CFAP44: variants seen among roughly 807,000 people sequenced by gnomAD.
The protein encoded by CFAP44 is cilia and flagella associated protein 44.
CFAP44 carries 134 observed loss-of-function variants against 216.2 expected under a neutral mutation model. The observed-to-expected ratio is 0.62, with a 90% confidence interval of 0.54 to 0.72. The LOEUF is 0.72. Among genes scored for constraint, CFAP44 ranks in the 30% least tolerant of loss-of-function variants. CFAP44 has a pLI of 0.00. For missense variants in CFAP44, 2,035 were observed against 2,182.1 expected, an observed-to-expected ratio of 0.93 and a Z score of 1.34; for synonymous variants, 700 against 727.6, an observed-to-expected ratio of 0.96 and a Z score of 0.61.
At position 113,288,683 on chromosome 3, in the gene CFAP44, G is replaced by T. The variant is rs1405200086; in HGVS notation, c.*2874C>A. On this transcript the variant is annotated 3_prime_UTR_variant, in exon 35 of 35. Transcript: ENST00000393845. ...CTGGTGAACTTTTCTGAAGTGATAG[G>T]TGAAACATCTGCTTTCTGCACAGCA... is the stretch of plus-strand genomic sequence containing the variant. 6.6e-6 allele frequency: 1 copy of T among 152,218 alleles called. No homozygotes were observed. Among genetic ancestry groups the T allele is most frequent in the Non-Finnish European group, 1.5e-5 (1 of 68,050 alleles). 9.4% of individuals were successfully genotyped at this position (152,218 alleles called of 1,614,324 possible). A position where few individuals can be genotyped will look rare whatever the true frequency, so the allele number is the denominator to read the frequency against.
chr3:113,377,150 C>G (rs1257085457), intron 17 of CFAP44, among the ~76,000 whole-genome samples: 1 of 152,036 alleles, frequency 6.6e-6, no homozygotes, highest in African/African-American at 2.4e-5. Context: ...AGAGAAGGTA[C>G]AAAATGCTTG....
chr3:113,372,421 C>T (rs565155198), intron 18 of CFAP44, among the ~76,000 whole-genome samples: 12 of 152,300 alleles, frequency 7.9e-5, no homozygotes, highest in South Asian at 2.1e-4. Flanking sequence ...GAGTTCATGT[C>T]CTTTGCAGGG....
rs1448185281 is a variant in CFAP44 at position 113,287,063 on chromosome 3, T to C, written c.*4494A>G. The C allele has an allele frequency of 3.0e-6, 2 of 662,212 alleles. No individual in the cohort carries two copies. Among genetic ancestry groups the C allele is most frequent in the Non-Finnish European group, 2.6e-6 (1 of 382,358 alleles). 41.0% of individuals were successfully genotyped at this position (662,212 alleles called of 1,614,324 possible). A position where few individuals can be genotyped will look rare whatever the true frequency, so the allele number is the denominator to read the frequency against. Reference sequence around the variant, plus strand: ...ACCCGTTGAGGTTGGAGAGGGAAAATAAAGAAGCTGCCACCTAACAGGAGT... The same window carrying C: ...ACCCGTTGAGGTTGGAGAGGGAAAACAAAGAAGCTGCCACCTAACAGGAGT... On this transcript the variant is annotated 3_prime_UTR_variant, in exon 35 of 35. Transcript: ENST00000393845.
chr3:113,399,954 C>G lies in CFAP44; in HGVS notation c.1521G>C (p.Gln507His). ...YDFASKTPLAQMKFKQGGTAL... is the reference protein window; with the variant it reads ...YDFASKTPLAHMKFKQGGTAL... ...CAGTACCTCCTTGTTTGAATTTCAT[C>G]TGGGCCAAAGGAGTTTTGCTAGCAA... The change falls in exon 13 of 35, where the codon CAG (glutamine) becomes CAC (histidine). Residue 507 changes from glutamine (Q) to histidine (H), a missense_variant. By Grantham distance (24) the Gln-to-His change is conservative. Coordinates refer to ENST00000393845, the MANE Select transcript of CFAP44 (RefSeq NM_001164496.2). The G allele has an allele frequency of 1.2e-6, 2 of 1,603,338 alleles. No individual in the cohort carries two copies.
intron 18 of CFAP44, among the ~76,000 whole-genome samples, chr3:113,371,829 CT>C (rs1933176673): frequency 6.6e-6 from 1 of 152,150 alleles, no homozygotes; most frequent in African/African-American, 2.4e-5. Context: ...ATCTACCCAT[CT>C]GACAAAGGGC....
intron 15 of CFAP44, among the ~76,000 whole-genome samples, chr3:113,393,763 C>A (rs902293549): frequency 6.6e-6 from 1 of 152,196 alleles, no homozygotes. Context: ...GATCTACTTG[C>A]CTTGGCCTCC....
intron 1 of CFAP44, among the ~76,000 whole-genome samples, chr3:113,438,519 G>A (rs537041088): frequency 2.6e-5 from 4 of 152,204 alleles, no homozygotes; most frequent in African/African-American, 4.8e-5. Context: ...AAAGCTCTAA[G>A]AATGATACAT....
At chr3:113,362,654 C>A (rs936707197) in intron 21 of CFAP44, among the ~76,000 whole-genome samples, 2 of 152,164 alleles carry the variant, frequency 1.3e-5, no homozygotes, top group African/African-American at 4.8e-5. Context: ...CAGGGATGCA[C>A]ATAGGAATCA....
At chr3:113,297,634 T>G (rs1949895044) in intron 32 of CFAP44, among the ~76,000 whole-genome samples, 1 of 152,162 alleles carries the variant, frequency 6.6e-6, no homozygotes, top group Non-Finnish European at 1.5e-5. Flanking sequence ...GCACTCTTTT[T>G]CTCAATCCAT....
chr3:113,375,871 T>C (rs1326178954), intron 17 of CFAP44, among the ~76,000 whole-genome samples: 1 of 151,068 alleles, frequency 6.6e-6, no homozygotes, highest in Non-Finnish European at 1.5e-5. Context: ...AAAAGAATAG[T>C]AAAAGAATGT....
intron 28 of CFAP44, among the ~76,000 whole-genome samples, chr3:113,325,292 C>T (rs1278658319): frequency 7.3e-6 from 1 of 136,926 alleles, no homozygotes; most frequent in African/African-American, 2.8e-5. Context: ...CAGAGCCAGA[C>T]TCCGTCTCAA....
chr3:113,324,042 CAAAA>C (rs200919084), intron 28 of CFAP44, among the ~76,000 whole-genome samples: 11 of 71,844 alleles, frequency 1.5e-4, no homozygotes, highest in African/African-American at 3.8e-4. Context: ...GACTCCGTCT[CAAAA>C]AAAAAAAAAA....
At chr3:113,295,093 T>G (rs1949868153) in intron 33 of CFAP44, among the ~76,000 whole-genome samples, 1 of 152,240 alleles carries the variant, frequency 6.6e-6, no homozygotes, top group Admixed American at 6.5e-5. Flanking sequence ...TTACTATGCA[T>G]ACTGATTGCT....
Position 113,328,695 on chromosome 3 carries a change from T to TAAAAAAAAAAAAAAAAAAAAAA in CFAP44, c.4117-877_4117-876insTTTTTTTTTTTTTTTTTTTTTT, listed in dbSNP as rs1950210721. 1.7e-4 allele frequency among the ~76,000 whole-genome samples: 12 copies of TAAAAAAAAAAAAAAAAAAAAAA among 72,344 alleles called. 4 individuals are homozygous for TAAAAAAAAAAAAAAAAAAAAAA. The highest frequency in any genetic ancestry group is 1.9e-4 in the African/African-American group (4 of 21,374). 47.5% of individuals were successfully genotyped at this position (72,344 alleles called of 152,430 possible). A position where few individuals can be genotyped will look rare whatever the true frequency, so the allele number is the denominator to read the frequency against. On this transcript the variant is annotated intron_variant, in intron 26 of 34. Coordinates refer to ENST00000393845, the MANE Select transcript of CFAP44 (RefSeq NM_001164496.2). ...AAACTACCAGAGAAATTTAGAGAGC[T>TAAAAAAAAAAAAAAAAAAAAAA]TAAAAAAAAAAAAAAAAAAAAAAAA... is the stretch of plus-strand genomic sequence containing the variant.
chr3:113,314,107 A>G (rs1397164826), intron 28 of CFAP44, among the ~76,000 whole-genome samples: 1 of 152,226 alleles, frequency 6.6e-6, no homozygotes, highest in Non-Finnish European at 1.5e-5. Context: ...ATGCCATCAG[A>G]GTACCAGAAG....
At chr3:113,425,048 GA>G (rs948488555) in intron 4 of CFAP44, among the ~76,000 whole-genome samples, 2 of 150,914 alleles carry the variant, frequency 1.3e-5, no homozygotes, top group Admixed American at 1.3e-4. Flanking sequence ...TCCCATTTGG[GA>G]AAAAAAGGCT....
At chr3:113,292,428 A>G (rs1949839213) in intron 34 of CFAP44, among the ~76,000 whole-genome samples, 1 of 152,168 alleles carries the variant, frequency 6.6e-6, no homozygotes. Context: ...AAGTCTCATC[A>G]CTCTGCCAAT....
In CFAP44 at chr3:113,396,565, C is replaced by A. The variant is rs1209038161; in HGVS notation, c.1732G>T (p.Val578Phe). 3.1e-6 allele frequency: 5 copies of A among 1,613,996 alleles called. No individual in the cohort carries two copies. The highest frequency in any genetic ancestry group is 1.3e-5 in the African/African-American group (1 of 74,924). ...KQVFKPHTAC[V>F]TALAYERDGE... is the part of the protein sequence containing the mutation. ...TCACGTTCATAAGCTAAAGCAGTGACACAAGCAGTATGGGGTTTGAAAACC... is the reference window on the plus strand; with the variant it reads ...TCACGTTCATAAGCTAAAGCAGTGAAACAAGCAGTATGGGGTTTGAAAACC... The change falls in exon 14 of 35, where the codon GTC (valine) becomes TTC (phenylalanine). Residue 578 changes from valine (V) to phenylalanine (F), a missense_variant. Physicochemically the swap from Val to Phe is conservative, Grantham distance 50 (BLOSUM62 -1). Around this residue, in one of 3 missense-constraint regions of CFAP44, gnomAD observed 1,883 missense variants for 2,023.7 expected, o/e 0.93. Transcript: ENST00000393845.
At chr3:113,337,467 T>C (rs970091687) in intron 24 of CFAP44, among the ~76,000 whole-genome samples, 5 of 152,168 alleles carry the variant, frequency 3.3e-5, no homozygotes, top group Admixed American at 6.5e-5. Flanking sequence ...CTGAAATTTA[T>C]ATGGAAAGAC....
Sources: gnomAD v4.1 joint callset for allele counts (sites outside exome capture counted in the v4.1 genomes callset) on GRCh38, gnomAD v4.1.1 for gene constraint, gnomAD v4.1.1 regional missense constraint, MANE v1.5 for transcripts, NCBI Gene and HGNC (gene_info 2026-07-23, HGNC 2026-07-21) for gene names.